Variants in SLC4A4 observed in about 807,000 individuals in gnomAD.
SLC4A4 encodes solute carrier family 4 member 4, also known as electrogenic sodium bicarbonate cotransporter 1.
SLC4A4 carries 27 observed loss-of-function variants against 111.5 expected under a neutral mutation model. That is an observed-to-expected ratio of 0.24 (90% confidence interval 0.18 to 0.33). The LOEUF (loss-of-function observed/expected upper bound fraction) is 0.33. SLC4A4 is among the 10% of genes least tolerant of loss of function. The pLI, the probability that SLC4A4 is intolerant of heterozygous loss-of-function variation, is 1.00. For synonymous variants in SLC4A4, 443 were observed against 463.4 expected, an observed-to-expected ratio of 0.96 and a Z score of 0.57; for missense variants, 909 against 1,315.5, an observed-to-expected ratio of 0.69 and a Z score of 4.78.
chr4:71,352,728 C>G (rs1289977640), intron 5 of SLC4A4, among the ~76,000 whole-genome samples: 1 of 152,186 alleles, frequency 6.6e-6, no homozygotes, highest in Non-Finnish European at 1.5e-5. Context: ...ACTTACATGT[C>G]TATCCCAGTA....
chr4:71,472,329 A>T (rs183890242), intron 13 of SLC4A4, among the ~76,000 whole-genome samples: 1 of 151,940 alleles, frequency 6.6e-6, no homozygotes, highest in Non-Finnish European at 1.5e-5. Context: ...TTATGAACCC[A>T]TAAAACTCAT....
chr4:71,297,689 G>A (rs988192845), intron 3 of SLC4A4, among the ~76,000 whole-genome samples: 1 of 150,230 alleles, frequency 6.7e-6, no homozygotes, highest in African/African-American at 2.5e-5. Context: ...CGAGGTTCAA[G>A]TGATTCTCCT....
chr4:71,310,371 A>G, intron 3 of SLC4A4, among the ~76,000 whole-genome samples: 1 of 152,160 alleles, frequency 6.6e-6, no homozygotes, highest in Non-Finnish European at 1.5e-5. Flanking sequence ...CAACCCCAAG[A>G]CACATAATTG....
At chr4:71,385,191 A>ATATATCTTTTT (rs56949097) in intron 6 of SLC4A4, among the ~76,000 whole-genome samples, 1 of 11,896 alleles carries the variant, frequency 8.4e-5, no homozygotes, top group Non-Finnish European at 1.6e-4. Context: ...ATATATATAT[A>ATATATCTTTTT]TTTTTTTTTT....
intron 7 of SLC4A4, among the ~76,000 whole-genome samples, chr4:71,399,737 G>C (rs1367991012): frequency 6.6e-6 from 1 of 151,826 alleles, no homozygotes; most frequent in Admixed American, 6.6e-5. Context: ...TATCCGTCTT[G>C]TCTTCATTTA....
At chr4:71,227,706 C>A (rs1046888815) in intron 1 of SLC4A4, among the ~76,000 whole-genome samples, 4 of 152,118 alleles carry the variant, frequency 2.6e-5, no homozygotes, top group Non-Finnish European at 5.9e-5. Flanking sequence ...GATAAACATG[C>A]CCGTCGCCAT....
intron 18 of SLC4A4, among the ~76,000 whole-genome samples, chr4:71,538,192 T>TCTC (rs1005996559): frequency 1.2e-4 from 19 of 152,090 alleles, no homozygotes; most frequent in Non-Finnish European, 2.4e-4. Flanking sequence ...GGTAAATAAA[T>TCTC]CTCCTACTAA....
At chr4:71,473,065 T>A in intron 14 of SLC4A4, 95 bp downstream of exon 14, 1 of 1,344,078 alleles carries the variant, frequency 7.4e-7, no homozygotes, top group Non-Finnish European at 1.1e-6. Context: ...GTCATGGTCC[T>A]CAGGAATTAG....
At chr4:71,081,778 G>A (rs1252662229) in intron 1 of SLC4A4, among the ~76,000 whole-genome samples, 1 of 152,078 alleles carries the variant, frequency 6.6e-6, no homozygotes, top group East Asian at 1.9e-4. Context: ...TCTCATTTGG[G>A]ATTCCTGCTA....
At chr4:71,404,561 C>G (rs1579022879) in intron 7 of SLC4A4, among the ~76,000 whole-genome samples, 2 of 152,058 alleles carry the variant, frequency 1.3e-5, no homozygotes, top group African/African-American at 2.4e-5. Flanking sequence ...AGGAATATAC[C>G]TAGAATATAT....
Position 71,228,109 on chromosome 4 carries a change from C to A in SLC4A4, c.-1-8467C>A, listed in dbSNP as rs531650643. Reference sequence around the variant, plus strand: ...CCTTTCAGCACTTCATACCCTCCCCCACAGCACTTTCTCCCTTCATCTTTC... The same window carrying A: ...CCTTTCAGCACTTCATACCCTCCCCAACAGCACTTTCTCCCTTCATCTTTC... On this transcript the variant is annotated intron_variant, in intron 1 of 25. Coordinates refer to ENST00000264485, the MANE Select transcript of SLC4A4 (RefSeq NM_001098484.3). 5.3e-5 allele frequency among the ~76,000 whole-genome samples: 8 copies of A among 152,288 alleles called. No individual in the cohort carries two copies. In the South Asian group the frequency reaches 1.2e-3, roughly 24 times the overall value.
intron 1 of SLC4A4, among the ~76,000 whole-genome samples, chr4:71,206,844 G>A (rs541510378): frequency 6.6e-6 from 1 of 151,544 alleles, no homozygotes; most frequent in Non-Finnish European, 1.5e-5. Flanking sequence ...AGAGGTTTCC[G>A]ACCCTAGTGA....
chr4:71,483,136 T>C (rs1254462666), intron 14 of SLC4A4, among the ~76,000 whole-genome samples: 1 of 151,676 alleles, frequency 6.6e-6, no homozygotes, highest in Non-Finnish European at 1.5e-5. Context: ...CATTCGGCTT[T>C]ATTGTTTAGA....
chr4:71,105,793 A>G (rs1442716146), intron 2 of SLC4A4, among the ~76,000 whole-genome samples: 1 of 112,262 alleles, frequency 8.9e-6, no homozygotes, highest in Non-Finnish European at 1.9e-5. Context: ...AAAGACTTAA[A>G]CATTAGACCT....
rs138775962 is a variant in SLC4A4 at position 71,122,284 on chromosome 4, G to A, written c.-2+29492G>A. Among the ~76,000 whole-genome samples the A allele has an allele frequency of 2.9e-5, 4 of 137,608 alleles. No individual in the cohort carries two copies. In the East Asian group the frequency reaches 8.5e-4, roughly 29 times the overall value. The allele number at this position is 137,608 out of a possible 152,430, so 90.3% of individuals were successfully genotyped here. A position where few individuals can be genotyped will look rare whatever the true frequency, so the allele number is the denominator to read the frequency against. ...GCCGAGATCACGCCACTGCACTCCA[G>A]CCTGGAAGACAAAAGCAAGACTCTG... On this transcript the variant is annotated intron_variant, in intron 2 of 26. Coordinates refer to the SLC4A4 transcript ENST00000649996.
intron 1 of SLC4A4, among the ~76,000 whole-genome samples, chr4:71,081,280 A>C (rs1252744335): frequency 6.6e-6 from 1 of 152,006 alleles, no homozygotes; most frequent in East Asian, 1.9e-4. Context: ...ATTCCCCCAC[A>C]AATTGTTTTT....
chr4:71,276,293 G>A (rs546250516), intron 3 of SLC4A4, among the ~76,000 whole-genome samples: 2 of 152,294 alleles, frequency 1.3e-5, no homozygotes, highest in African/African-American at 4.8e-5. Context: ...AACTGACATT[G>A]GTACGATGTG....
At chr4:71,325,528 T>A (rs746041630) in intron 3 of SLC4A4, among the ~76,000 whole-genome samples, 2 of 151,992 alleles carry the variant, frequency 1.3e-5, no homozygotes, top group Non-Finnish European at 2.9e-5. Flanking sequence ...TAATTTATTC[T>A]TAGGTAGACT....
At chr4:71,428,982 C>T (rs1244126953) in intron 7 of SLC4A4, among the ~76,000 whole-genome samples, 1 of 152,058 alleles carries the variant, frequency 6.6e-6, no homozygotes, top group Admixed American at 6.6e-5. Context: ...GTGAGTATTC[C>T]TGGTTATAAA....
Sources: allele counts gnomAD v4.1 joint callset (sites outside exome capture counted in the v4.1 genomes callset), GRCh38; gene constraint gnomAD v4.1.1; transcripts MANE v1.5; gene names NCBI Gene and HGNC (gene_info 2026-07-23, HGNC 2026-07-21).